The following OR2L13 variants were observed in gnomAD, a reference collection of about 807,000 sequenced individuals.
OR2L13 encodes olfactory receptor family 2 subfamily L member 13.
Under a neutral mutation model 15.3 loss-of-function variants are expected in OR2L13, and 14 were observed. The observed-to-expected ratio is 0.91, with a 90% CI of 0.60 to 1.43. OR2L13 has a LOEUF of 1.43. OR2L13 is among the 40% of genes most tolerant of loss of function. The pLI is 0.00. For synonymous variants in OR2L13, 152 were observed against 142.9 expected (o/e 1.06, Z -0.45); for missense variants, 367 against 387.9 (o/e 0.95, Z 0.45).
At chr1:247,996,477 C>A in the OR2L13 span, among the ~76,000 whole-genome samples, 1 of 152,156 alleles carries the variant, frequency 6.6e-6, no homozygotes, top group Non-Finnish European at 1.5e-5. Flanking sequence ...CTAAACTCTT[C>A]TTTCAGAATA....
chr1:248,083,725 T>G, the OR2L13 span: 23 of 1,613,512 alleles, frequency 1.4e-5, no homozygotes, highest in African/African-American at 2.7e-4. Context: ...TCACTGTTCC[T>G]CACACTGTAG....
At chr1:248,079,502 CAAAA>C in the OR2L13 span, among the ~76,000 whole-genome samples, 743 of 151,738 alleles carry the variant, frequency 4.9e-3, no homozygotes, top group African/African-American at 9.6e-3. Context: ...AACTTGAAAA[CAAAA>C]AGAAAGAAAA....
At chr1:247,988,195 C>A in the OR2L13 span, among the ~76,000 whole-genome samples, 1 of 151,684 alleles carries the variant, frequency 6.6e-6, no homozygotes, top group Non-Finnish European at 1.5e-5. Context: ...TCTGGGAATG[C>A]CTGTAAGTAT....
At chr1:248,079,700 T>C in the OR2L13 span, among the ~76,000 whole-genome samples, 1 of 152,204 alleles carries the variant, frequency 6.6e-6, no homozygotes, top group African/African-American at 2.4e-5. Flanking sequence ...CTGAGGCCTT[T>C]TCAATAAATG....
chr1:248,018,050 G>A, the OR2L13 span, among the ~76,000 whole-genome samples: 3 of 151,886 alleles, frequency 2.0e-5, no homozygotes, highest in African/African-American at 7.3e-5. Flanking sequence ...AGCTACTTGG[G>A]AGGCTGAGGC....
the OR2L13 span, among the ~76,000 whole-genome samples, chr1:248,025,654 G>A: frequency 6.9e-6 from 1 of 145,646 alleles, no homozygotes; most frequent in African/African-American, 2.7e-5. Context: ...GCACATGTAT[G>A]TTTATCGCGG....
chr1:248,009,633 A>G, the OR2L13 span, among the ~76,000 whole-genome samples: 1 of 152,192 alleles, frequency 6.6e-6, no homozygotes, highest in Non-Finnish European at 1.5e-5. Flanking sequence ...AAACAGTTTC[A>G]GACAATTGAA....
chr1:247,966,381 T>C, the OR2L13 span: 1 of 1,538,490 alleles, frequency 6.5e-7, no homozygotes, highest in African/African-American at 1.4e-5. Flanking sequence ...GAAAACTATC[T>C]GGAAAGATAT....
At chr1:247,975,268 A>G in the OR2L13 span, 1 of 443,770 alleles carries the variant, frequency 2.3e-6, no homozygotes, top group East Asian at 5.3e-5. Flanking sequence ...TGTCCCAGCC[A>G]TGGTGACTCT....
At chr1:248,029,702 A>C in the OR2L13 span, among the ~76,000 whole-genome samples, 23 of 152,322 alleles carry the variant, frequency 1.5e-4, no homozygotes, top group South Asian at 8.3e-4. Context: ...TCTTGTTGCC[A>C]ATATAAATTG....
At chr1:247,983,580 A>T in the OR2L13 span, among the ~76,000 whole-genome samples, 1 of 130,058 alleles carries the variant, frequency 7.7e-6, no homozygotes, top group African/African-American at 4.3e-5. Flanking sequence ...TAAGAAAAAA[A>T]TGTCCTTAAA....
chr1:248,023,674 A>G, the OR2L13 span: 1 of 152,322 alleles, frequency 6.6e-6, no homozygotes, highest in African/African-American at 2.4e-5. Flanking sequence ...CACTATTTTT[A>G]TACCTGCTTA....
At chr1:248,037,755 G>A in the OR2L13 span, among the ~76,000 whole-genome samples, 180 of 152,188 alleles carry the variant, frequency 1.2e-3, no homozygotes, top group African/African-American at 3.9e-3. Flanking sequence ...TTTGCTTTCC[G>A]TGGTTTCTCC....
the OR2L13 span, among the ~76,000 whole-genome samples, chr1:247,994,366 C>T: frequency 6.6e-6 from 1 of 152,116 alleles, no homozygotes; most frequent in Non-Finnish European, 1.5e-5. Context: ...CACTGCACTC[C>T]AGCCGGGGCG....
At chr1:248,052,514 G>C in the OR2L13 span, among the ~76,000 whole-genome samples, 1 of 152,104 alleles carries the variant, frequency 6.6e-6, no homozygotes, top group Non-Finnish European at 1.5e-5. Context: ...AGATCACAAG[G>C]TAAGGAGGTT....
chr1:247,987,520 T>G, the OR2L13 span, among the ~76,000 whole-genome samples: 1 of 152,124 alleles, frequency 6.6e-6, no homozygotes, highest in Non-Finnish European at 1.5e-5. Context: ...GTGATAGAAT[T>G]TTTACATCAC....
chr1:248,083,935 C>T, the OR2L13 span: 2 of 1,351,654 alleles, frequency 1.5e-6, no homozygotes, highest in Non-Finnish European at 2.1e-6. Context: ...AGAACAGCAG[C>T]GAGGATGAGA....
the OR2L13 span, among the ~76,000 whole-genome samples, chr1:248,027,990 A>C: frequency 6.6e-6 from 1 of 151,736 alleles, no homozygotes; most frequent in East Asian, 1.9e-4. Flanking sequence ...AATACAAAAA[A>C]ATTAGCTGGG....
At chr1:248,048,204 A>T in the OR2L13 span, among the ~76,000 whole-genome samples, 1 of 152,186 alleles carries the variant, frequency 6.6e-6, no homozygotes, top group Non-Finnish European at 1.5e-5. Context: ...CAATGGCAGG[A>T]TGTGACTTGG....
Sources: gnomAD v4.1 joint callset for allele counts (sites outside exome capture counted in the v4.1 genomes callset) on GRCh38, gnomAD v4.1.1 for gene constraint, MANE v1.5 for transcripts, NCBI Gene and HGNC (gene_info 2026-07-23, HGNC 2026-07-21) for gene names.